The following GRM5 variants were observed in gnomAD, a reference collection of about 807,000 sequenced individuals.
The protein encoded by GRM5 is glutamate metabotropic receptor 5, also known as metabotropic glutamate receptor 5.
A neutral mutation model predicts 83.1 loss-of-function variants in GRM5; 19 were observed. That is an observed-to-expected ratio of 0.23 (90% CI 0.16 to 0.34). GRM5 has a LOEUF of 0.34. GRM5 is among the 10% of genes least tolerant of loss of function. The pLI, the probability that GRM5 is intolerant of heterozygous loss-of-function variation, is 1.00. For missense variants in GRM5, 1,160 were observed against 1,588.3 expected (o/e 0.73, Z 4.58); for synonymous variants, 675 against 633.6 (o/e 1.07, Z -0.98).
intron 3 of GRM5, among the ~76,000 whole-genome samples, chr11:88,678,123 A>G (rs1368706348): frequency 3.9e-5 from 6 of 151,960 alleles, no homozygotes; most frequent in Non-Finnish European, 1.5e-5. Flanking sequence ...CAGTAGCATA[A>G]TCATAGCTCT....
chr11:88,566,904 A>G (rs2135170900), intron 8 of GRM5, 149 bp downstream of exon 8: 1 of 598,262 alleles, frequency 1.7e-6, no homozygotes, highest in Non-Finnish European at 3.0e-6. Flanking sequence ...CCCCATAAAT[A>G]CCATTTTATG....
At chr11:88,549,443 GA>G (rs796741502) in intron 8 of GRM5, among the ~76,000 whole-genome samples, 2,668 of 111,284 alleles carry the variant, frequency 0.024, 71 homozygotes, top group African/African-American at 0.08. Context: ...TTGTCTCAAA[GA>G]AAAAAAAAAA....
At position 88,590,656 on chromosome 11, in the gene GRM5, A is replaced by G; in HGVS notation, c.1635T>C (p.Asp545=). The G allele has an allele frequency of 1.2e-6, 2 of 1,608,736 alleles. No homozygotes were observed. Among genetic ancestry groups the G allele is most frequent in the South Asian group, 1.1e-5 (1 of 90,954 alleles). ...TPCKENEYVF[D]EYTCKACQLG... is the part of the protein sequence containing the mutation. The stretch of plus-strand genomic sequence containing the variant: ...GTTGGCATGCCTTGCATGTGTACTC[A>G]TCAAAGACATACTCATTCTCCTTAC... Residue 545 remains aspartate (D), a synonymous_variant, in exon 7 of 10, where the codon GAT becomes GAC. Coordinates refer to ENST00000305447, the MANE Select transcript of GRM5 (RefSeq NM_001143831.3).
At chr11:88,794,409 C>T (rs181002397) in intron 3 of GRM5, among the ~76,000 whole-genome samples, 1 of 152,138 alleles carries the variant, frequency 6.6e-6, no homozygotes, top group Non-Finnish European at 1.5e-5. Context: ...AATTCCCTGG[C>T]AGATCTGTGA....
rs762960594 is a variant in GRM5 at position 88,509,311 on chromosome 11, C to A, written c.2920G>T (p.Val974Leu). ...CAGCCCGCACCGCCCGTGGCCCCCA[C>A]GCCCCCAGCGCTCCCGCCTGCGCCA... ...GAGAGGSAGG[V>L]GATGGAGCAG... The change falls in exon 10 of 10, where the codon GTG becomes TTG. Residue 974 changes from valine (V) to leucine (L), a missense_variant. By Grantham distance (32) the Val-to-Leu change is conservative. Coordinates refer to ENST00000305447, the MANE Select transcript of GRM5 (RefSeq NM_001143831.3). 1.9e-6 allele frequency: 3 copies of A among 1,570,734 alleles called. No homozygotes were observed. Among genetic ancestry groups the A allele is most frequent in the Non-Finnish European group, 2.6e-6 (3 of 1,161,354 alleles).
At chr11:88,639,591 ATTT>A (rs112279173) in intron 4 of GRM5, among the ~76,000 whole-genome samples, 2 of 142,666 alleles carry the variant, frequency 1.4e-5, no homozygotes, top group Admixed American at 1.4e-4. Flanking sequence ...CTGCAAGTTC[ATTT>A]TTTTTTTTTT....
intron 3 of GRM5, among the ~76,000 whole-genome samples, chr11:88,655,472 A>G (rs555236867): frequency 9.9e-5 from 15 of 152,234 alleles, no homozygotes; most frequent in African/African-American, 3.1e-4. Context: ...GCTCTTATGT[A>G]ACACTATGAT....
intron 3 of GRM5, among the ~76,000 whole-genome samples, chr11:88,700,695 A>G (rs920388978): frequency 2.0e-5 from 3 of 152,120 alleles, no homozygotes; most frequent in Non-Finnish European, 4.4e-5. Flanking sequence ...ATGTTGCACA[A>G]GACAAAGGGA....
chr11:88,971,805 T>G (rs1165836503), intron 2 of GRM5, among the ~76,000 whole-genome samples: 1 of 152,078 alleles, frequency 6.6e-6, no homozygotes, highest in Admixed American at 6.6e-5. Flanking sequence ...GAGGAGCACA[T>G]ATAGTGTCCT....
At chr11:89,059,747 G>T (rs1386894228) in intron 1 of GRM5, among the ~76,000 whole-genome samples, 1 of 152,042 alleles carries the variant, frequency 6.6e-6, no homozygotes, top group Non-Finnish European at 1.5e-5. Context: ...TTCACTATGG[G>T]TCAGATACTT....
intron 2 of GRM5, among the ~76,000 whole-genome samples, chr11:88,948,644 G>A (rs537251345): frequency 6.6e-6 from 1 of 152,232 alleles, no homozygotes; most frequent in East Asian, 1.9e-4. Context: ...CTGTTTTCCT[G>A]TATTCTGTCC....
chr11:88,946,127 T>C (rs1392970044), intron 2 of GRM5, among the ~76,000 whole-genome samples: 2 of 151,626 alleles, frequency 1.3e-5, no homozygotes, highest in Non-Finnish European at 2.9e-5. Flanking sequence ...CCAACAAACA[T>C]GAAAAAAATT....
chr11:88,751,085 A>AAAC (rs1942262908), intron 3 of GRM5, among the ~76,000 whole-genome samples: 2 of 148,188 alleles, frequency 1.3e-5, no homozygotes, highest in African/African-American at 2.4e-5. Flanking sequence ...AAAAAAAAAA[A>AAAC]AAAAAAAAAA....
intron 3 of GRM5, among the ~76,000 whole-genome samples, chr11:88,753,202 CCATCTGA>C (rs1198246261): frequency 9.2e-5 from 14 of 152,034 alleles, no homozygotes; most frequent in Admixed American, 9.2e-4. Context: ...TGCAATCTAT[CCATCTGA>C]CAAAAATCTT....
intron 2 of GRM5, among the ~76,000 whole-genome samples, chr11:88,878,168 A>G (rs1944891809): frequency 6.6e-6 from 1 of 152,168 alleles, no homozygotes; most frequent in African/African-American, 2.4e-5. Context: ...ATTTGGAAAA[A>G]GCAAAAAAGC....
chr11:88,754,354 T>A (rs1942351661), intron 3 of GRM5, among the ~76,000 whole-genome samples: 1 of 152,090 alleles, frequency 6.6e-6, no homozygotes, highest in Non-Finnish European at 1.5e-5. Context: ...TGGGAAGATC[T>A]GTACAGCAAA....
intron 3 of GRM5, among the ~76,000 whole-genome samples, chr11:88,821,269 G>A (rs868780368): frequency 3.0e-5 from 4 of 131,376 alleles, no homozygotes; most frequent in South Asian, 2.5e-4. Flanking sequence ...CTGGCCTCCT[G>A]TTTTCTATTA....
At chr11:88,878,480 C>G (rs193055381) in intron 2 of GRM5, among the ~76,000 whole-genome samples, 1 of 152,128 alleles carries the variant, frequency 6.6e-6, no homozygotes, top group African/African-American at 2.4e-5. Context: ...ATTCCCTCCC[C>G]ACAGTGGAGC....
chr11:89,037,376 C>G (rs1327943795), intron 2 of GRM5, among the ~76,000 whole-genome samples: 1 of 151,962 alleles, frequency 6.6e-6, no homozygotes, highest in Non-Finnish European at 1.5e-5. Flanking sequence ...ATTGTCCTAT[C>G]CTGATGCGTA....
Sources: allele counts gnomAD v4.1 joint callset (sites outside exome capture counted in the v4.1 genomes callset), GRCh38; gene constraint gnomAD v4.1.1; transcripts MANE v1.5; gene names NCBI Gene and HGNC (gene_info 2026-07-23, HGNC 2026-07-21).